GRID1: variants seen among roughly 807,000 people sequenced by gnomAD.
GRID1 encodes glutamate receptor ionotropic, delta-1.
GRID1 carries 28 observed loss-of-function variants against 98.0 expected under a neutral mutation model. The ratio of observed to expected loss-of-function variants is 0.29; its 90% CI spans 0.21 to 0.39. The LOEUF (loss-of-function observed/expected upper bound fraction) is 0.39, where lower values mean the gene tolerates loss of function less well. Ranked by LOEUF, GRID1 falls within the 10% of genes least tolerant of loss-of-function variation. The probability of loss-of-function intolerance (pLI) is 1.00; values close to 1 mark genes in which losing one functional copy is unlikely to be tolerated. For missense variants in GRID1, 1,111 were observed against 1,340.5 expected (o/e 0.83, Z 2.67); for synonymous variants, 553 against 538.5 (o/e 1.03, Z -0.37).
chr10:86,304,758 G>A (rs1193416792), intron 2 of GRID1, among the ~76,000 whole-genome samples: 2 of 152,234 alleles, frequency 1.3e-5, no homozygotes, highest in Non-Finnish European at 2.9e-5. Flanking sequence ...AGAGGGACAA[G>A]GAAACTTGTC....
chr10:85,749,443 C>A (rs868511588), intron 8 of GRID1, among the ~76,000 whole-genome samples: 1 of 152,152 alleles, frequency 6.6e-6, no homozygotes, highest in South Asian at 2.1e-4. Flanking sequence ...AAGAAATAAA[C>A]CTCTATTGCA....
At chr10:85,739,773 T>A (rs1465768748) in intron 8 of GRID1, among the ~76,000 whole-genome samples, 1 of 152,090 alleles carries the variant, frequency 6.6e-6, no homozygotes. Flanking sequence ...TGCAAATAGC[T>A]CCATGGTGTG....
At chr10:85,732,618 CT>C (rs1056093054) in intron 8 of GRID1, among the ~76,000 whole-genome samples, 2 of 152,154 alleles carry the variant, frequency 1.3e-5, no homozygotes, top group Admixed American at 6.5e-5. Flanking sequence ...CTCAGTCCCC[CT>C]AGACCTTTGC....
At position 85,857,093 on chromosome 10, in the gene GRID1, A is replaced by G. The variant is rs552093450; in HGVS notation, c.952-903T>C. 5.9e-5 allele frequency among the ~76,000 whole-genome samples: 9 copies of G among 152,352 alleles called. No individual in the cohort carries two copies. In the East Asian group the frequency reaches 1.7e-3, roughly 29 times the overall value. On this transcript the variant is annotated intron_variant, in intron 6 of 15. Coordinates refer to ENST00000327946, the MANE Select transcript of GRID1 (RefSeq NM_017551.3). The stretch of plus-strand genomic sequence containing the variant: ...TGGCCTGAGTGACGAGGTAACAGTG[A>G]GGACGGTGGTAACAAGAGATGAGGA...
chr10:86,201,254 G>A (rs368496137), intron 3 of GRID1, among the ~76,000 whole-genome samples: 132 of 152,210 alleles, frequency 8.7e-4, no homozygotes, highest in African/African-American at 2.9e-3. Context: ...TGCATCAAAC[G>A]GATCAATCTC....
At chr10:85,771,633 C>T (rs775177869) in intron 8 of GRID1, among the ~76,000 whole-genome samples, 1 of 152,058 alleles carries the variant, frequency 6.6e-6, no homozygotes, top group African/African-American at 2.4e-5. Flanking sequence ...GGAAGATCTA[C>T]CAAGCAAATG....
intron 3 of GRID1, among the ~76,000 whole-genome samples, chr10:86,162,902 G>A (rs966539446): frequency 6.6e-6 from 1 of 152,220 alleles, no homozygotes; most frequent in African/African-American, 2.4e-5. Context: ...AGGGCAGCCT[G>A]GCAGGGGGCA....
chr10:86,058,484 TTAAAC>T (rs1843605116), intron 4 of GRID1, among the ~76,000 whole-genome samples: 1 of 152,168 alleles, frequency 6.6e-6, no homozygotes, highest in Non-Finnish European at 1.5e-5. Context: ...AACTGGCTGA[TTAAAC>T]TAAAAGGTCC....
At chr10:85,877,559 C>T (rs917011005) in intron 5 of GRID1, among the ~76,000 whole-genome samples, 1 of 152,190 alleles carries the variant, frequency 6.6e-6, no homozygotes, top group Non-Finnish European at 1.5e-5. Flanking sequence ...AGCTGAGTGT[C>T]CTGTCTGTTA....
chr10:85,837,945 A>C (rs989562006), intron 8 of GRID1, among the ~76,000 whole-genome samples: 1 of 152,232 alleles, frequency 6.6e-6, no homozygotes, highest in Non-Finnish European at 1.5e-5. Context: ...TGACAGACAA[A>C]ATAACCAGTT....
At chr10:85,614,288 G>C (rs1000862722) in intron 14 of GRID1, among the ~76,000 whole-genome samples, 1 of 152,224 alleles carries the variant, frequency 6.6e-6, no homozygotes, top group Admixed American at 6.5e-5. Flanking sequence ...CACATGGTGA[G>C]TGCTGTCCAC....
intron 12 of GRID1, among the ~76,000 whole-genome samples, chr10:85,677,558 T>C (rs1841158723): frequency 6.6e-6 from 1 of 152,216 alleles, no homozygotes; most frequent in African/African-American, 2.4e-5. Flanking sequence ...GATATTTCTA[T>C]CTAAAAGCCA....
At chr10:85,622,972 T>C (rs1314516568) in intron 13 of GRID1, among the ~76,000 whole-genome samples, 1 of 152,142 alleles carries the variant, frequency 6.6e-6, no homozygotes, top group African/African-American at 2.4e-5. Context: ...TCCCTGTGCA[T>C]GGGGAAGAAC....
chr10:85,923,685 G>A (rs1014435485), intron 4 of GRID1, among the ~76,000 whole-genome samples: 1 of 152,216 alleles, frequency 6.6e-6, no homozygotes. Flanking sequence ...GAAAGTCAGT[G>A]TAACCAGGCC....
intron 4 of GRID1, among the ~76,000 whole-genome samples, chr10:85,990,809 T>C (rs1159067042): frequency 6.6e-6 from 1 of 152,236 alleles, no homozygotes; most frequent in African/African-American, 2.4e-5. Context: ...GTGCTCACAT[T>C]TATTATAATT....
intron 3 of GRID1, among the ~76,000 whole-genome samples, chr10:86,204,038 T>C (rs1003896244): frequency 6.6e-6 from 1 of 151,998 alleles, no homozygotes; most frequent in Non-Finnish European, 1.5e-5. Context: ...CCACCAAAGG[T>C]AGCAAAGGTG....
chr10:86,001,784 C>T (rs1174784545), intron 4 of GRID1, among the ~76,000 whole-genome samples: 2 of 152,072 alleles, frequency 1.3e-5, no homozygotes, highest in African/African-American at 4.8e-5. Flanking sequence ...GCTGCTCTAA[C>T]AAAGGACCAC....
intron 4 of GRID1, among the ~76,000 whole-genome samples, chr10:85,933,352 A>G (rs1200949926): frequency 3.3e-5 from 5 of 151,808 alleles, no homozygotes; most frequent in South Asian, 2.1e-4. Flanking sequence ...GGCTTGTTAT[A>G]TAAGTAAATT....
At chr10:85,622,092 A>G (rs939782012) in intron 13 of GRID1, among the ~76,000 whole-genome samples, 2 of 152,172 alleles carry the variant, frequency 1.3e-5, no homozygotes, top group Admixed American at 6.5e-5. Flanking sequence ...GACTCCAAGG[A>G]AAGCCTGATG....
Sources: allele counts gnomAD v4.1 joint callset (sites outside exome capture counted in the v4.1 genomes callset), GRCh38; gene constraint gnomAD v4.1.1; transcripts MANE v1.5; gene names NCBI Gene and HGNC (gene_info 2026-07-23, HGNC 2026-07-21).